Variants in PDE3B observed in about 807,000 individuals in gnomAD.
PDE3B encodes cGMP-inhibited 3',5'-cyclic phosphodiesterase 3B.
Under a neutral mutation model 116.8 loss-of-function variants are expected in PDE3B, and 66 were observed. That is an observed-to-expected ratio of 0.56 (90% CI 0.46 to 0.69). PDE3B has a LOEUF of 0.69. Ranked by LOEUF, PDE3B falls within the 30% of genes least tolerant of loss-of-function variation. The pLI, the probability that PDE3B is intolerant of heterozygous loss-of-function variation, is 0.00. For missense variants in PDE3B, 1,384 were observed against 1,368.1 expected (o/e 1.01, Z -0.18); for synonymous variants, 595 against 533.6 (o/e 1.12, Z -1.59).
At chr11:14,677,153 TA>T (rs983961275) in intron 1 of PDE3B, among the ~76,000 whole-genome samples, 1 of 152,138 alleles carries the variant, frequency 6.6e-6, no homozygotes, top group East Asian at 1.9e-4. Context: ...ATTTAAATTC[TA>T]AAAAAAATGA....
chr11:14,728,762 A>G (rs889132992), intron 1 of PDE3B, among the ~76,000 whole-genome samples: 1 of 152,122 alleles, frequency 6.6e-6, no homozygotes, highest in Non-Finnish European at 1.5e-5. Flanking sequence ...ATGATATTTA[A>G]ATTTTTATTT....
At chr11:14,854,087 A>T (rs191181593) in intron 12 of PDE3B, among the ~76,000 whole-genome samples, 74 of 152,272 alleles carry the variant, frequency 4.9e-4, no homozygotes, top group African/African-American at 1.7e-3. Flanking sequence ...CAGCAGATAA[A>T]AGTTTTTTTT....
the PDE3B span, chr11:14,879,264 T>C: frequency 2.5e-6 from 4 of 1,613,342 alleles, no homozygotes; most frequent in Non-Finnish European, 2.5e-6. Context: ...CCTTTAGGAA[T>C]GGAATAACCA....
At chr11:14,889,604 T>C in the PDE3B span, among the ~76,000 whole-genome samples, 1 of 152,182 alleles carries the variant, frequency 6.6e-6, no homozygotes, top group African/African-American at 2.4e-5. Context: ...GAGCTCTCTC[T>C]GTAAAGAACC....
At chr11:14,685,318 G>A (rs777904833) in intron 1 of PDE3B, among the ~76,000 whole-genome samples, 2 of 151,834 alleles carry the variant, frequency 1.3e-5, no homozygotes, top group Non-Finnish European at 2.9e-5. Flanking sequence ...CGAATCTATT[G>A]CACCACTCCC....
chr11:14,796,677 TGTCTGTTCATATC>T (rs1858565756), intron 4 of PDE3B, among the ~76,000 whole-genome samples: 1 of 152,212 alleles, frequency 6.6e-6, no homozygotes, highest in Admixed American at 6.5e-5. Context: ...TTTTGAGAAG[TGTCTGTTCATATC>T]TTTTGCCCAC....
chr11:14,784,514 G>T (rs1015776363), intron 2 of PDE3B, among the ~76,000 whole-genome samples: 1 of 152,050 alleles, frequency 6.6e-6, no homozygotes, highest in Non-Finnish European at 1.5e-5. Flanking sequence ...AAGGGCAACC[G>T]CTAAGAAAAC....
chr11:14,896,187 C>A, the PDE3B span, among the ~76,000 whole-genome samples: 1 of 151,996 alleles, frequency 6.6e-6, no homozygotes, highest in African/African-American at 2.4e-5. Flanking sequence ...CCTTGTGTTT[C>A]AAAAAAATAG....
chr11:14,679,577 A>T (rs1008504993), intron 1 of PDE3B, among the ~76,000 whole-genome samples: 1 of 151,088 alleles, frequency 6.6e-6, no homozygotes, highest in African/African-American at 2.4e-5. Context: ...TCTCTTCTTC[A>T]CTCGGGACCC....
At chr11:14,832,699 A>C in intron 9 of PDE3B, 23 bp from the exon 10 acceptor site, 1 of 882,532 alleles carries the variant, frequency 1.1e-6, no homozygotes, top group South Asian at 1.7e-5. Flanking sequence ...TTTAAAGTAA[A>C]CTTTATTTTA....
chr11:14,890,581 C>G, the PDE3B span: 2 of 269,204 alleles, frequency 7.4e-6, no homozygotes, highest in Non-Finnish European at 9.7e-6. Context: ...GAGTCTGGCT[C>G]TGTTGCCCAG....
Position 14,871,443 on chromosome 11 carries a change from T to C in PDE3B, c.*1783T>C, listed in dbSNP as rs1470937336. On this transcript the variant is annotated 3_prime_UTR_variant, in exon 16 of 16. Coordinates refer to ENST00000282096, the MANE Select transcript of PDE3B (RefSeq NM_000922.4). ...ACATTTTCCATCATGTTTAAGTGTA[T>C]TTCTGCTATTATTTCCTCTCCTGCA... 3 of 152,178 alleles carry C rather than the reference T, an allele frequency of 2.0e-5. No homozygotes were observed. The highest frequency in any genetic ancestry group is 3.8e-4 in the East Asian group (2 of 5,206). The allele number at this position is 152,178 out of a possible 1,614,324, so 9.4% of individuals were successfully genotyped here.
downstream of PDE3B, among the ~76,000 whole-genome samples, chr11:14,872,256 C>T (rs1848151464): frequency 6.6e-6 from 1 of 152,090 alleles, no homozygotes. Context: ...TTATAGTTGC[C>T]AGATTAATAT....
Position 14,818,257 on chromosome 11 carries a change from T to A in PDE3B, c.1597T>A (p.Ser533Thr). Residue 533 changes from serine to threonine, a missense_variant, in exon 6 of 16, where the codon TCA (serine) becomes ACA (threonine). Physicochemically the swap from Ser to Thr is moderately conservative, Grantham distance 58 (BLOSUM62 1). Coordinates refer to ENST00000282096, the MANE Select transcript of PDE3B (RefSeq NM_000922.4). The stretch of plus-strand genomic sequence containing the variant: ...GTCTACTGGCTCTCTAACTAATCGA[T>A]CACCCATAGAATTTCCTGATACTGC... ...PVSTGSLTNR[S>T]PIEFPDTADF... is the part of the protein sequence containing the mutation. 6.2e-7 allele frequency: 1 copy of A among 1,613,628 alleles called. No homozygotes were observed. The highest frequency in any genetic ancestry group is 1.1e-5 in the South Asian group (1 of 91,070).
At chr11:14,723,847 G>C (rs1294779851) in intron 1 of PDE3B, among the ~76,000 whole-genome samples, 1 of 152,146 alleles carries the variant, frequency 6.6e-6, no homozygotes, top group Non-Finnish European at 1.5e-5. Context: ...GGGCAACAAG[G>C]TTATAGCACA....
At chr11:14,766,685 A>G (rs184094402) in intron 1 of PDE3B, among the ~76,000 whole-genome samples, 1 of 151,608 alleles carries the variant, frequency 6.6e-6, no homozygotes, top group Non-Finnish European at 1.5e-5. Flanking sequence ...CAAAAAAAAA[A>G]CAGGGTATAT....
Position 14,861,365 on chromosome 11 carries a change from A to G in PDE3B, c.2885A>G (p.Gln962Arg). The stretch of plus-strand genomic sequence containing the variant: ...GGCATTGTCAATGAATTTTATGAGC[A>G]GGTAAGTTGAAACCTGAGCTTGGTG... ...TEGIVNEFYEQGDEEANLGLP... is the reference protein window; with the variant it reads ...TEGIVNEFYERGDEEANLGLP... Residue 962 changes from glutamine to arginine, a missense_variant and splice_region_variant, in exon 14 of 16, where the codon CAG becomes CGG. Around this residue, in one of 2 missense-constraint regions of PDE3B, gnomAD observed 428 missense variants for 561.4 expected, o/e 0.76. Transcript: ENST00000282096. 6.2e-7 allele frequency: 1 copy of G among 1,612,824 alleles called. No individual in the cohort carries two copies. The highest frequency in any genetic ancestry group is 8.5e-7 in the Non-Finnish European group (1 of 1,179,122).
At chr11:14,776,950 T>A (rs1426574314) in intron 2 of PDE3B, among the ~76,000 whole-genome samples, 1 of 152,124 alleles carries the variant, frequency 6.6e-6, no homozygotes, top group Non-Finnish European at 1.5e-5. Context: ...TTTGGAATTA[T>A]CTGGCAAGGA....
chr11:14,850,979 CTA>C (rs1847736537), intron 12 of PDE3B, among the ~76,000 whole-genome samples: 1 of 138,128 alleles, frequency 7.2e-6, no homozygotes, highest in Non-Finnish European at 1.6e-5. Context: ...CCACACCCAG[CTA>C]TTTTTTTTTT....
Sources: allele counts gnomAD v4.1 joint callset (sites outside exome capture counted in the v4.1 genomes callset), GRCh38; gene constraint gnomAD v4.1.1; regional missense constraint gnomAD v4.1.1; transcripts MANE v1.5; gene names NCBI Gene and HGNC (gene_info 2026-07-23, HGNC 2026-07-21).